The following SPATA6 variants were observed in gnomAD, a reference collection of about 807,000 sequenced individuals.
SPATA6 encodes spermatogenesis-associated protein 6.
Under a neutral mutation model 65.3 loss-of-function variants are expected in SPATA6, and 56 were observed. That is an observed-to-expected ratio of 0.86 (90% CI 0.69 to 1.07). The LOEUF (loss-of-function observed/expected upper bound fraction) is 1.07. Among genes scored for constraint, SPATA6 ranks in the 50% least tolerant of loss-of-function variants. SPATA6 has a pLI of 0.00. For missense variants in SPATA6, 590 were observed against 594.8 expected (o/e 0.99, Z 0.08); for synonymous variants, 199 against 213.2 (o/e 0.93, Z 0.58).
intron 1 of SPATA6, among the ~76,000 whole-genome samples, chr1:48,467,561 C>T (rs2148204430): frequency 6.6e-6 from 1 of 152,126 alleles, no homozygotes; most frequent in South Asian, 2.1e-4. Context: ...CTGGCAACAA[C>T]CCAAACAACC....
At chr1:48,355,793 T>C in intron 10 of SPATA6, 24 bp from the exon 11 acceptor site, 1 of 1,572,458 alleles carries the variant, frequency 6.4e-7, no homozygotes, top group South Asian at 1.1e-5. Flanking sequence ...ATAAGTTTTA[T>C]TTTTGTTACT....
intron 8 of SPATA6, among the ~76,000 whole-genome samples, chr1:48,390,691 T>C (rs896817396): frequency 2.5e-4 from 38 of 152,252 alleles, no homozygotes; most frequent in African/African-American, 8.9e-4. Flanking sequence ...ATATGTAAAA[T>C]ATTATGTATC....
intron 8 of SPATA6, among the ~76,000 whole-genome samples, chr1:48,393,866 C>T (rs1019211709): frequency 2.0e-5 from 3 of 152,000 alleles, no homozygotes; most frequent in Non-Finnish European, 4.4e-5. Context: ...CTTGTAAGGA[C>T]AATAATGTCA....
rs1481259016 is a variant in SPATA6 at position 48,395,344 on chromosome 1, G to T, written c.791C>A (p.Pro264Gln). The T allele has an allele frequency of 3.9e-6, 6 of 1,554,708 alleles. No individual in the cohort carries two copies. The highest frequency in any genetic ancestry group is 3.9e-5 in the Admixed American group (2 of 51,580). ...CAATAAAGTATCAGCCCTGGGACTT[G>T]GGGGATCAACCTAGAGGAAGCAGGA... The part of the protein sequence containing the change: ...PPFVIRHVDP[P>Q]SPRADTLLGS... The change falls in exon 8 of 13, where the codon CCA (proline) becomes CAA (glutamine). Residue 264 changes from proline (P) to glutamine (Q), a missense_variant. By Grantham distance (76) the Pro-to-Gln change is moderately conservative (BLOSUM62 -1). Transcript: ENST00000371847.
At chr1:48,338,625 G>A (rs1570190884) in intron 11 of SPATA6, among the ~76,000 whole-genome samples, 1 of 151,928 alleles carries the variant, frequency 6.6e-6, no homozygotes, top group African/African-American at 2.4e-5. Flanking sequence ...TCTAAGAATC[G>A]AGAAACAGGC....
intron 5 of SPATA6, among the ~76,000 whole-genome samples, chr1:48,404,404 G>A (rs1225727109): frequency 1.3e-5 from 2 of 151,990 alleles, no homozygotes; most frequent in African/African-American, 2.4e-5. Flanking sequence ...GTATAGTGGT[G>A]CCATCACAGC....
intron 11 of SPATA6, among the ~76,000 whole-genome samples, chr1:48,334,444 T>C (rs1019625167): frequency 6.6e-6 from 1 of 152,086 alleles, no homozygotes; most frequent in East Asian, 1.9e-4. Flanking sequence ...CACAATCAAG[T>C]AGACTTTAAT....
At chr1:48,466,261 C>T (rs1016217763) in intron 1 of SPATA6, among the ~76,000 whole-genome samples, 2 of 151,938 alleles carry the variant, frequency 1.3e-5, no homozygotes, top group African/African-American at 2.4e-5. Flanking sequence ...AAACATATAC[C>T]ATTTTATACT....
intron 1 of SPATA6, among the ~76,000 whole-genome samples, chr1:48,462,395 C>A (rs1490663361): frequency 6.6e-6 from 1 of 152,096 alleles, no homozygotes; most frequent in East Asian, 1.9e-4. Flanking sequence ...TCAAGAACTA[C>A]AGAAAACCTT....
intron 5 of SPATA6, 32 bp downstream of exon 5, chr1:48,411,431 CA>C: frequency 6.3e-7 from 1 of 1,590,346 alleles, no homozygotes; most frequent in Non-Finnish European, 8.6e-7. Context: ...GATTTTCCAT[CA>C]AAAACTGATT....
At chr1:48,429,868 C>T (rs771174045) in intron 3 of SPATA6, among the ~76,000 whole-genome samples, 3 of 152,070 alleles carry the variant, frequency 2.0e-5, no homozygotes, top group Non-Finnish European at 4.4e-5. Context: ...TAGATTGACT[C>T]AAAAGAGGAT....
chr1:48,335,879 G>A (rs748989344), intron 11 of SPATA6, among the ~76,000 whole-genome samples: 36 of 151,866 alleles, frequency 2.4e-4, no homozygotes, highest in Admixed American at 2.0e-3. Flanking sequence ...ATCTGTAAAC[G>A]ATACATATGA....
At chr1:48,437,897 GAAA>G (rs71056668) in intron 3 of SPATA6, among the ~76,000 whole-genome samples, 1 of 139,012 alleles carries the variant, frequency 7.2e-6, no homozygotes. Context: ...ACTGAATTGA[GAAA>G]AAAAAAAAAA....
chr1:48,402,075 G>A (rs1396647608), intron 6 of SPATA6, among the ~76,000 whole-genome samples: 1 of 151,976 alleles, frequency 6.6e-6, no homozygotes, highest in Non-Finnish European at 1.5e-5. Context: ...TAAAGAAAAT[G>A]TATTTCCTTA....
rs1345033199 is a variant in SPATA6 at position 48,423,560 on chromosome 1, CTTTCT to C, written c.239-10414_239-10410del. ...ATTTAATGTTTAATTTTCTTTCTTT[CTTTCT>C]TTTTTTTTTTTTTTTTTTGTCACAC... On this transcript the variant is annotated intron_variant, in intron 3 of 12. Coordinates refer to ENST00000371847, the MANE Select transcript of SPATA6 (RefSeq NM_019073.4). Among the ~76,000 whole-genome samples, 416 of 99,032 alleles carry C rather than the reference CTTTCT, an allele frequency of 4.2e-3. 5 individuals are homozygous for C. The South Asian group carries it at 0.054, about 13-fold the overall frequency. The allele number at this position is 99,032 out of a possible 152,430, so 65.0% of individuals were successfully genotyped here. A position where few individuals can be genotyped will look rare whatever the true frequency, so the allele number is the denominator to read the frequency against.
intron 11 of SPATA6, among the ~76,000 whole-genome samples, chr1:48,307,438 T>C (rs1645089080): frequency 6.7e-6 from 1 of 149,668 alleles, no homozygotes; most frequent in African/African-American, 2.4e-5. Flanking sequence ...AAATAATCTA[T>C]ACAAGGACCC....
chr1:48,283,376 T>G, the SPATA6 span, among the ~76,000 whole-genome samples: 1 of 151,372 alleles, frequency 6.6e-6, no homozygotes. Context: ...AAAAAGATAT[T>G]CTGAATTGAA....
chr1:48,285,710 C>A, the SPATA6 span, among the ~76,000 whole-genome samples: 2 of 152,160 alleles, frequency 1.3e-5, no homozygotes, highest in Non-Finnish European at 2.9e-5. Flanking sequence ...TGACCACTTG[C>A]ACTTCCTGGG....
At chr1:48,386,490 C>T (rs550602993) in intron 8 of SPATA6, among the ~76,000 whole-genome samples, 1 of 152,132 alleles carries the variant, frequency 6.6e-6, no homozygotes, top group Non-Finnish European at 1.5e-5. Flanking sequence ...GATAGATAAT[C>T]ATACATTGAA....
Sources: allele counts gnomAD v4.1 joint callset (sites outside exome capture counted in the v4.1 genomes callset), GRCh38; gene constraint gnomAD v4.1.1; transcripts MANE v1.5; gene names NCBI Gene and HGNC (gene_info 2026-07-23, HGNC 2026-07-21).